The following ITSN2 variants were observed in gnomAD, a reference collection of about 807,000 sequenced individuals.
The protein encoded by ITSN2 is intersectin-2.
Under a neutral mutation model 243.7 loss-of-function variants are expected in ITSN2, and 156 were observed. The ratio of observed to expected loss-of-function variants is 0.64; its 90% CI spans 0.56 to 0.73. ITSN2 has a LOEUF of 0.73. Among genes scored for constraint, ITSN2 ranks in the 30% least tolerant of loss-of-function variants. The pLI is 0.00. For synonymous variants in ITSN2, 703 were observed against 699.9 expected (o/e 1.00, Z -0.07); for missense variants, 1,801 against 1,996.1 (o/e 0.90, Z 1.86).
At chr2:24,325,525 C>A (rs370692767) in intron 2 of ITSN2, among the ~76,000 whole-genome samples, 1 of 151,528 alleles carries the variant, frequency 6.6e-6, no homozygotes. Context: ...TAACAGAACC[C>A]TTTGAAAAGG....
At position 24,310,287 on chromosome 2, in the gene ITSN2, C is replaced by G. The variant is rs763649991; in HGVS notation, c.650G>C (p.Ser217Thr). ...KAQSLIDLGS[S>T]SSTSSTASLS... ...TGTCAGAGTTAGCTATTCATACCTA[C>G]TAGATCCTAAATCAATCAGAGACTG... Residue 217 changes from serine to threonine, a missense_variant, in exon 7 of 40, where the codon AGT (serine) becomes ACT (threonine). By Grantham distance (58) the Ser-to-Thr change is moderately conservative (BLOSUM62 1). This residue lies in a region of ITSN2 where 787 missense variants were observed against 803.9 expected (regional missense o/e 0.98). Transcript: ENST00000355123. 1.2e-6 allele frequency: 2 copies of G among 1,605,138 alleles called. No homozygotes were observed. Among genetic ancestry groups the G allele is most frequent in the South Asian group, 2.2e-5 (2 of 90,196 alleles).
chr2:24,247,278 T>C (rs1369067637), intron 27 of ITSN2, among the ~76,000 whole-genome samples: 2 of 152,212 alleles, frequency 1.3e-5, no homozygotes, highest in African/African-American at 4.8e-5. Flanking sequence ...ATACTCTGTG[T>C]GTATTGTCAC....
Position 24,204,375 on chromosome 2 carries a change from G to T in ITSN2, c.4806C>A (p.Ser1602Arg), listed in dbSNP as rs1382998867. ...PYCEISMGSQ[S>R]YTTRTIQDTL... ...TGTCCTGGATGGTCCTGGTGGTGTA[G>T]CTCTGGGAGCCCATGCTGATTTCAC... Residue 1602 changes from serine (S) to arginine (R), a missense_variant, in exon 39 of 40, where the codon AGC becomes AGA. Physicochemically the swap from Ser to Arg is moderately radical, Grantham distance 110 (BLOSUM62 -1). Transcript: ENST00000355123. This position sits in a 1 kb window ranked among gnomAD's most constrained non-coding sequence, Gnocchi z 5.1. 2 of 1,614,058 alleles carry T rather than the reference G, an allele frequency of 1.2e-6. No individual in the cohort carries two copies. Among genetic ancestry groups the T allele is most frequent in the Admixed American group, 1.7e-5 (1 of 60,002 alleles).
chr2:24,284,859 G>T lies in ITSN2; in HGVS notation c.1864-16C>A. 8.0e-6 allele frequency: 10 copies of T among 1,253,808 alleles called. No homozygotes were observed. The highest frequency in any genetic ancestry group is 1.1e-5 in the Non-Finnish European group (10 of 882,612). 77.7% of individuals were successfully genotyped at this position (1,253,808 alleles called of 1,614,324 possible). On this transcript the variant is annotated splice_polypyrimidine_tract_variant and intron_variant, in intron 16 of 39. Coordinates refer to ENST00000355123, the MANE Select transcript of ITSN2 (RefSeq NM_006277.3). ...TATTCCCACACTGTAAGATAAGGCA[G>T]ATAAAAAGCCAATTAAACTACGTAC...
chr2:24,342,008 T>C (rs923323640), intron 1 of ITSN2, among the ~76,000 whole-genome samples: 3 of 152,112 alleles, frequency 2.0e-5, no homozygotes, highest in Admixed American at 6.5e-5. Flanking sequence ...AGTTACCTAA[T>C]GGAAGTTAGG....
intron 2 of ITSN2, chr2:24,321,818 A>G (rs1247549498): frequency 6.6e-6 from 1 of 152,204 alleles, no homozygotes; most frequent in East Asian, 1.9e-4. Context: ...GCTCACCTTT[A>G]TTGAACCCTG....
At chr2:24,352,134 T>TGTAC (rs1688077229) in intron 1 of ITSN2, among the ~76,000 whole-genome samples, 1 of 152,210 alleles carries the variant, frequency 6.6e-6, no homozygotes, top group East Asian at 1.9e-4. Flanking sequence ...TATAGGTTTC[T>TGTAC]GTACCATCCA....
intron 37 of ITSN2, chr2:24,205,509 G>A: frequency 2.0e-6 from 1 of 507,688 alleles, no homozygotes; most frequent in Non-Finnish European, 3.6e-6. Flanking sequence ...TGCTTTCTCT[G>A]CCCGTCAGCA....
chr2:24,262,203 C>G (rs549230530), intron 20 of ITSN2, among the ~76,000 whole-genome samples: 1 of 152,160 alleles, frequency 6.6e-6, no homozygotes, highest in Non-Finnish European at 1.5e-5. Flanking sequence ...TAGCCTCTTA[C>G]TCTACCAATA....
chr2:24,331,374 A>AC lies in ITSN2; in HGVS notation c.-33-3260dup, dbSNP rs1367327606. 8.1e-5 allele frequency among the ~76,000 whole-genome samples: 12 copies of AC among 147,798 alleles called. No individual in the cohort carries two copies. The East Asian group carries it at 2.4e-3, about 29-fold the overall frequency. ...AGGCATGAGCCACTGTGCCCAGCCTACTTTTTTTTTTTTTAAGCTATGTTG... is the reference window on the plus strand; with the variant it reads ...AGGCATGAGCCACTGTGCCCAGCCTACCTTTTTTTTTTTTTAAGCTATGTTG... On this transcript the variant is annotated intron_variant, in intron 1 of 39. Transcript: ENST00000355123.
chr2:24,309,022 G>A, intron 7 of ITSN2: 1 of 372,278 alleles, frequency 2.7e-6, no homozygotes, highest in Non-Finnish European at 5.7e-6. Context: ...ACATGTGAGG[G>A]ACCTAGGTTG....
rs1670991138 is a variant in ITSN2, at chr2:24,225,945, C to CT, written c.3578-4880_3578-4879insA. Among the ~76,000 whole-genome samples the CT allele has an allele frequency of 6.6e-6, 1 of 152,134 alleles. No homozygotes were observed. Among genetic ancestry groups the CT allele is most frequent in the Non-Finnish European group, 1.5e-5 (1 of 68,026 alleles). ...TTGCCACTCTCTATACCTGCATTGT[C>CT]AATAGAGTAGCCCTTAGCAAGCTGT... On this transcript the variant is annotated intron_variant, in intron 29 of 39. Coordinates refer to ENST00000355123, the MANE Select transcript of ITSN2 (RefSeq NM_006277.3). This position sits in a 1 kb window ranked among gnomAD's most constrained non-coding sequence, Gnocchi z 4.2.
rs1673791067 is a variant in ITSN2, at chr2:24,249,201, T to C, written c.3121-319A>G. On this transcript the variant is annotated intron_variant, in intron 25 of 39. Transcript: ENST00000355123. The surrounding 1 kb of genome is among the most constrained non-coding windows in gnomAD (Gnocchi z 4.4). Reference sequence around the variant, plus strand: ...AGGCCAAATGCACTCCATTTATCAATGGCGTTAGCACCAATGCCCACTATG... The same window carrying C: ...AGGCCAAATGCACTCCATTTATCAACGGCGTTAGCACCAATGCCCACTATG... Among the ~76,000 whole-genome samples, 1 of 152,216 alleles carries C rather than the reference T, an allele frequency of 6.6e-6. No homozygotes were observed. The highest frequency in any genetic ancestry group is 1.5e-5 in the Non-Finnish European group (1 of 68,022).
chr2:24,301,580 C>T (rs986918600), intron 10 of ITSN2, among the ~76,000 whole-genome samples: 6 of 149,774 alleles, frequency 4.0e-5, no homozygotes, highest in African/African-American at 1.5e-4. Flanking sequence ...GGCTAGAGTG[C>T]TGTGGCATAA....
chr2:24,307,067 G>A (rs758313297), intron 8 of ITSN2, among the ~76,000 whole-genome samples: 3 of 152,084 alleles, frequency 2.0e-5, no homozygotes, highest in African/African-American at 7.2e-5. Context: ...GCCTCCCAAA[G>A]TGCTGGGATT....
chr2:24,214,053 T>C (rs1669736927), intron 32 of ITSN2, among the ~76,000 whole-genome samples: 2 of 152,372 alleles, frequency 1.3e-5, no homozygotes, highest in South Asian at 4.1e-4. Flanking sequence ...GTTAAATAAC[T>C]TGCCTCTGGT....
At chr2:24,349,459 A>G (rs942650857) in intron 1 of ITSN2, among the ~76,000 whole-genome samples, 3 of 152,196 alleles carry the variant, frequency 2.0e-5, no homozygotes, top group African/African-American at 7.2e-5. Flanking sequence ...AAATGTACAA[A>G]ATATGGCACA....
chr2:24,298,181 G>A (rs1420227983), intron 13 of ITSN2, among the ~76,000 whole-genome samples: 9 of 151,804 alleles, frequency 5.9e-5, no homozygotes, highest in South Asian at 4.2e-4. Context: ...TGTTTGAGAC[G>A]GAGTCTCACT....
intron 29 of ITSN2, among the ~76,000 whole-genome samples, chr2:24,229,250 T>G (rs537662799): frequency 1.2e-3 from 178 of 152,152 alleles, no homozygotes; most frequent in African/African-American, 4.1e-3. Context: ...ATTAACAAGG[T>G]TAACATATGA....
Sources: gnomAD v4.1 joint callset for allele counts (sites outside exome capture counted in the v4.1 genomes callset) on GRCh38, gnomAD v4.1.1 for gene constraint, gnomAD v4.1.1 regional missense constraint, Gnocchi (gnomAD v3.1) non-coding constraint, MANE v1.5 for transcripts, NCBI Gene and HGNC (gene_info 2026-07-23, HGNC 2026-07-21) for gene names.